The following AFG1L variants were observed in gnomAD, a reference collection of about 807,000 sequenced individuals.
The protein encoded by AFG1L is AFG1 like ATPase.
AFG1L carries 53 observed loss-of-function variants against 62.2 expected under a neutral mutation model. That is an observed-to-expected ratio of 0.85 (90% CI 0.68 to 1.07). The LOEUF (loss-of-function observed/expected upper bound fraction) is 1.07. Among genes scored for constraint, AFG1L ranks in the 50% least tolerant of loss-of-function variants. The pLI is 0.00. For missense variants in AFG1L, 555 were observed against 590.5 expected, an observed-to-expected ratio of 0.94 and a Z score of 0.62; for synonymous variants, 228 against 210.3, an observed-to-expected ratio of 1.08 and a Z score of -0.73.
intron 10 of AFG1L, among the ~76,000 whole-genome samples, chr6:108,490,922 C>T (rs1350305951): frequency 6.6e-6 from 1 of 152,188 alleles, no homozygotes; most frequent in Non-Finnish European, 1.5e-5. Flanking sequence ...AAAAGAGGCA[C>T]TGCTGTTTAT....
At chr6:108,344,602 A>G (rs1050921004) in intron 2 of AFG1L, among the ~76,000 whole-genome samples, 2 of 152,154 alleles carry the variant, frequency 1.3e-5, no homozygotes, top group African/African-American at 2.4e-5. Flanking sequence ...AAATAAAATA[A>G]GACAAAGCCA....
intron 1 of AFG1L, among the ~76,000 whole-genome samples, chr6:108,301,709 C>T (rs1190429660): frequency 2.0e-5 from 3 of 152,086 alleles, no homozygotes; most frequent in Non-Finnish European, 4.4e-5. Flanking sequence ...AAAATTATCC[C>T]AAGTAAATGA....
At chr6:108,519,172 G>A (rs1311807674) in intron 11 of AFG1L, among the ~76,000 whole-genome samples, 1 of 152,132 alleles carries the variant, frequency 6.6e-6, no homozygotes, top group Non-Finnish European at 1.5e-5. Context: ...TGTTGTTCTC[G>A]CATGGTGGAA....
At chr6:108,455,914 T>C (rs1158580778) in intron 8 of AFG1L, among the ~76,000 whole-genome samples, 1 of 152,198 alleles carries the variant, frequency 6.6e-6, no homozygotes, top group Non-Finnish European at 1.5e-5. Flanking sequence ...TCTGCTATTG[T>C]TAGTAGTGTG....
chr6:108,365,097 C>G (rs1779700401), intron 5 of AFG1L, among the ~76,000 whole-genome samples: 1 of 151,998 alleles, frequency 6.6e-6, no homozygotes, highest in East Asian at 1.9e-4. Flanking sequence ...TGTACTATAT[C>G]TTGTGGATAT....
intron 11 of AFG1L, among the ~76,000 whole-genome samples, chr6:108,515,176 C>G (rs540331061): frequency 1.3e-5 from 2 of 152,152 alleles, no homozygotes; most frequent in South Asian, 4.1e-4. Flanking sequence ...ACTCTCCACC[C>G]CAGATCAACA....
intron 1 of AFG1L, among the ~76,000 whole-genome samples, chr6:108,302,540 C>G (rs544988866): frequency 2.6e-4 from 39 of 151,930 alleles, no homozygotes; most frequent in African/African-American, 8.9e-4. Context: ...TACCTCTTCT[C>G]TTGAGGTTCC....
At chr6:108,404,413 A>G (rs1332151325) in intron 7 of AFG1L, among the ~76,000 whole-genome samples, 1 of 152,170 alleles carries the variant, frequency 6.6e-6, no homozygotes, top group African/African-American at 2.4e-5. Context: ...AATAACAAAA[A>G]TGTATATAAG....
At chr6:108,360,108 C>T (rs950128505) in intron 5 of AFG1L, among the ~76,000 whole-genome samples, 1 of 152,154 alleles carries the variant, frequency 6.6e-6, no homozygotes, top group Non-Finnish European at 1.5e-5. Flanking sequence ...GCTAGGAATG[C>T]TTTTGGCCAC....
chr6:108,357,171 T>A (rs1490168126), intron 5 of AFG1L, among the ~76,000 whole-genome samples: 1 of 139,396 alleles, frequency 7.2e-6, no homozygotes, highest in Non-Finnish European at 1.5e-5. Flanking sequence ...CATTATAACC[T>A]CAAACTCCTG....
chr6:108,456,018 T>G (rs921765236), intron 8 of AFG1L, among the ~76,000 whole-genome samples: 1 of 152,186 alleles, frequency 6.6e-6, no homozygotes, highest in Non-Finnish European at 1.5e-5. Flanking sequence ...TATTAAGTAT[T>G]GAGAAAGAGG....
At chr6:108,455,315 A>C (rs1772211376) in intron 8 of AFG1L, among the ~76,000 whole-genome samples, 1 of 152,200 alleles carries the variant, frequency 6.6e-6, no homozygotes, top group African/African-American at 2.4e-5. Context: ...TAATAGAACT[A>C]TTCTCTTCAC....
chr6:108,360,163 G>A (rs1779467356), intron 5 of AFG1L, among the ~76,000 whole-genome samples: 1 of 152,152 alleles, frequency 6.6e-6, no homozygotes, highest in African/African-American at 2.4e-5. Flanking sequence ...CTCTAACGGG[G>A]AAATATTCTG....
At chr6:108,418,468 A>G (rs182504647) in intron 7 of AFG1L, among the ~76,000 whole-genome samples, 1 of 152,310 alleles carries the variant, frequency 6.6e-6, no homozygotes, top group East Asian at 1.9e-4. Context: ...AATTGCTTAA[A>G]ACGACATATG....
chr6:108,447,876 T>C (rs1771882028), intron 8 of AFG1L, among the ~76,000 whole-genome samples: 5 of 152,166 alleles, frequency 3.3e-5, no homozygotes, highest in African/African-American at 9.7e-5. Context: ...AAAATGTCCT[T>C]TGTGAGAACG....
At chr6:108,383,092 T>C (rs949313492) in intron 6 of AFG1L, among the ~76,000 whole-genome samples, 4 of 151,824 alleles carry the variant, frequency 2.6e-5, no homozygotes, top group African/African-American at 4.8e-5. Context: ...ACAAAAAAAT[T>C]TGTGGTGGTG....
At chr6:108,439,270 A>T (rs1164435632) in intron 7 of AFG1L, among the ~76,000 whole-genome samples, 1 of 152,186 alleles carries the variant, frequency 6.6e-6, no homozygotes, top group South Asian at 2.1e-4. Context: ...GCTATATCTT[A>T]TTCATCATTA....
chr6:108,453,857 C>G (rs1772154110), intron 8 of AFG1L, among the ~76,000 whole-genome samples: 2 of 152,186 alleles, frequency 1.3e-5, no homozygotes, highest in Non-Finnish European at 2.9e-5. Context: ...TCTGCAGTTT[C>G]AGTCTCAGTT....
chr6:108,339,808 T>C (rs1202352783), intron 2 of AFG1L, among the ~76,000 whole-genome samples: 1 of 152,166 alleles, frequency 6.6e-6, no homozygotes, highest in Non-Finnish European at 1.5e-5. Flanking sequence ...ATTTATGGGG[T>C]ACATGAGATG....
Sources: gnomAD v4.1 joint callset for allele counts (sites outside exome capture counted in the v4.1 genomes callset) on GRCh38, gnomAD v4.1.1 for gene constraint, MANE v1.5 for transcripts, NCBI Gene and HGNC (gene_info 2026-07-23, HGNC 2026-07-21) for gene names.